Variants in MRI1 observed in about 807,000 individuals in gnomAD.
The protein encoded by MRI1 is methylthioribose-1-phosphate isomerase 1.
In MRI1, 32 loss-of-function variants were observed where a neutral mutation model predicts 27.3. That is an observed-to-expected ratio of 1.17 (90% CI 0.88 to 1.57). The LOEUF (loss-of-function observed/expected upper bound fraction) is 1.57, where lower values mean the gene tolerates loss of function less well. Among genes scored for constraint, MRI1 ranks in the 40% most tolerant of loss-of-function variants. The pLI is 0.00. For synonymous variants in MRI1, 216 were observed against 227.4 expected (o/e 0.95, Z 0.45); for missense variants, 508 against 516.1 (o/e 0.98, Z 0.15).
At chr19:13,770,307 A>G (rs780641346) in intron 5 of MRI1, among the ~76,000 whole-genome samples, 28 of 152,198 alleles carry the variant, frequency 1.8e-4, no homozygotes, top group Non-Finnish European at 3.8e-4. Flanking sequence ...TCATGCACTC[A>G]GATGCCGTGG....
chr19:13,771,955 A>G (rs1017685523), intron 5 of MRI1, among the ~76,000 whole-genome samples, 166 bp from the exon 6 acceptor site: 2 of 152,200 alleles, frequency 1.3e-5, no homozygotes, highest in African/African-American at 4.8e-5. Flanking sequence ...TAAACTTACT[A>G]TTGAGTACAA....
chr19:13,765,227 C>A (rs1439981409), intron 2 of MRI1, 118 bp downstream of exon 2: 1 of 840,554 alleles, frequency 1.2e-6, no homozygotes, highest in Non-Finnish European at 1.7e-6. Flanking sequence ...AGTCCCTTGT[C>A]CAGGGCCCCA....
In MRI1 at chr19:13,773,666, G is replaced by GT. The variant is rs1974319708; in HGVS notation, c.*1386dup. 1 of 123,050 alleles carries GT rather than the reference G, an allele frequency of 8.1e-6. No homozygotes were observed. Among genetic ancestry groups the GT allele is most frequent in the African/African-American group, 3.7e-5 (1 of 27,386 alleles). The allele number at this position is 123,050 out of a possible 1,614,324, so 7.6% of individuals were successfully genotyped here. The stretch of plus-strand genomic sequence containing the variant: ...AAAAAATCCATGATGAACAAAACAA[G>GT]TATTTGTTTGAGACGGGGTCTCGCT... On this transcript the variant is annotated 3_prime_UTR_variant, in exon 6 of 6. Coordinates refer to ENST00000040663, the MANE Select transcript of MRI1 (RefSeq NM_001031727.4).
At chr19:13,765,536 G>A (rs940735864) in intron 2 of MRI1, among the ~76,000 whole-genome samples, 2 of 152,042 alleles carry the variant, frequency 1.3e-5, no homozygotes, top group South Asian at 4.1e-4. Flanking sequence ...CACCAAGCTC[G>A]AGCCTGCCTT....
In MRI1 at chr19:13,768,421, G is replaced by A. The variant is rs148498603; in HGVS notation, c.548-140G>A. 48 of 1,552,698 alleles carry A rather than the reference G, an allele frequency of 3.1e-5. No individual in the cohort carries two copies. The African/African-American group carries it at 4.2e-4, about 14-fold the overall frequency. On this transcript the variant is annotated intron_variant, in intron 3 of 5. Transcript: ENST00000040663. ...ACCAGGCAGAGGGAACTGCCACTGC[G>A]AGGGCCCCTGGGCGGGACTGTGCTC...
At chr19:13,771,490 C>T (rs1974267758) in intron 5 of MRI1, among the ~76,000 whole-genome samples, 1 of 152,080 alleles carries the variant, frequency 6.6e-6, no homozygotes, top group East Asian at 1.9e-4. Context: ...AAGATCGCAC[C>T]ACTGTACTAC....
rs1226543048 is a variant in MRI1, at chr19:13,765,741, AC to A, written c.372-212del. ...AGGAGCAGAGATTTTTGTCTTGTTT[AC>A]TGCTGGGTCATACCGGAACTGCTTG... On this transcript the variant is annotated intron_variant, in intron 2 of 5. Coordinates refer to ENST00000040663, the MANE Select transcript of MRI1 (RefSeq NM_001031727.4). 5.9e-5 allele frequency among the ~76,000 whole-genome samples: 9 copies of A among 152,130 alleles called. No individual in the cohort carries two copies. The East Asian group carries it at 1.7e-3, about 29-fold the overall frequency.
Position 13,768,586 on chromosome 19 carries a change from G to T in MRI1, c.573G>T (p.Leu191=). The T allele has an allele frequency of 6.2e-7, 1 of 1,609,940 alleles. No individual in the cohort carries two copies. The highest frequency in any genetic ancestry group is 1.1e-5 in the South Asian group (1 of 90,508). ...GTGTGATTCGCTCACTGCACAGCCT[G>T]GGCCGCCTGGAGCATGCCTTCTGCA... ...ALGVIRSLHS[L]GRLEHAFCTE... Residue 191 remains leucine, a synonymous_variant, in exon 4 of 6, where the codon CTG becomes CTT. Coordinates refer to ENST00000040663, the MANE Select transcript of MRI1 (RefSeq NM_001031727.4).
chr19:13,771,920 G>A (rs1974275905), intron 5 of MRI1, among the ~76,000 whole-genome samples: 1 of 152,180 alleles, frequency 6.6e-6, no homozygotes, highest in South Asian at 2.1e-4. Context: ...CTTGGGGACT[G>A]ACATTCTAGG....
rs148223834 is a variant in MRI1 at position 13,770,406 on chromosome 19, G to A, written c.949+1358G>A. On this transcript the variant is annotated intron_variant, in intron 5 of 5. Transcript: ENST00000040663. ...TCCAGACCAGCCTAGCCAACAGAGC[G>A]AAACCACGTCTCTACTAAAAAAATA... Among the ~76,000 whole-genome samples, 426 of 152,168 alleles carry A rather than the reference G, an allele frequency of 2.8e-3. 2 individuals are homozygous for A. Among genetic ancestry groups the A allele is most frequent in the African/African-American group, 9.7e-3 (402 of 41,502 alleles).
At chr19:13,770,757 C>T (rs1974252544) in intron 5 of MRI1, among the ~76,000 whole-genome samples, 1 of 152,004 alleles carries the variant, frequency 6.6e-6, no homozygotes, top group Admixed American at 6.6e-5. Context: ...GTGGCACATG[C>T]CTGTAACCCC....
In MRI1 at chr19:13,765,106, A is replaced by G; in HGVS notation, c.368A>G (p.Glu123Gly). 1 of 1,531,240 alleles carries G rather than the reference A, an allele frequency of 6.5e-7. No homozygotes were observed. Among genetic ancestry groups the G allele is most frequent in the Non-Finnish European group, 8.7e-7 (1 of 1,143,892 alleles). 94.9% of individuals were successfully genotyped at this position (1,531,240 alleles called of 1,614,324 possible). Residue 123 changes from glutamate (E) to glycine (G), a missense_variant, in exon 2 of 6, where the codon GAG becomes GGG. By Grantham distance (98) the Glu-to-Gly change is moderately conservative. Around this residue, in one of 3 missense-constraint regions of MRI1, gnomAD observed 457 missense variants for 452.8 expected, o/e 1.01. Coordinates refer to ENST00000040663, the MANE Select transcript of MRI1 (RefSeq NM_001031727.4). ...GGCGCTACGGAAGAGGCGGTCCGGGAGAGGTACGGGGATCTGGTACCAGGC... is the reference window on the plus strand; with the variant it reads ...GGCGCTACGGAAGAGGCGGTCCGGGGGAGGTACGGGGATCTGGTACCAGGC... ...REGATEEAVR[E>G]RVICCTEDML...
intron 2 of MRI1, 42 bp from the exon 3 acceptor site, chr19:13,765,912 C>T (rs373939622): frequency 2.1e-5 from 33 of 1,549,402 alleles, no homozygotes; most frequent in East Asian, 1.6e-4. Context: ...GCCTGGGCCC[C>T]GGGTCCTGGT....
chr19:13,770,756 G>T (rs1485142798), intron 5 of MRI1, among the ~76,000 whole-genome samples: 2 of 152,096 alleles, frequency 1.3e-5, no homozygotes, highest in African/African-American at 4.8e-5. Context: ...GGTGGCACAT[G>T]CCTGTAACCC....
chr19:13,774,150 CCTT>C lies in MRI1; in HGVS notation c.*1873_*1875del. Reference sequence around the variant, plus strand: ...GTTTACTATTACCAAAGTTTTTGAACCTTCTTAAATTCTGTACCAGAGGTGAGT... The same window carrying C: ...GTTTACTATTACCAAAGTTTTTGAACCTTAAATTCTGTACCAGAGGTGAGT... On this transcript the variant is annotated 3_prime_UTR_variant, in exon 6 of 6. Coordinates refer to ENST00000040663, the MANE Select transcript of MRI1 (RefSeq NM_001031727.4). 1 of 248,804 alleles carries C rather than the reference CCTT, an allele frequency of 4.0e-6. No homozygotes were observed. Among genetic ancestry groups the C allele is most frequent in the African/African-American group, 2.2e-5 (1 of 44,942 alleles). 15.4% of individuals were successfully genotyped at this position (248,804 alleles called of 1,614,324 possible).
chr19:13,765,149 T>C, intron 2 of MRI1, 40 bp downstream of exon 2: 1 of 1,435,410 alleles, frequency 7.0e-7, no homozygotes. Flanking sequence ...TGAGCAGGAA[T>C]TATATTGACT....
intron 2 of MRI1, 22 bp from the exon 3 acceptor site, chr19:13,765,932 T>G (rs754724091): frequency 2.0e-5 from 31 of 1,565,414 alleles, no homozygotes; most frequent in Admixed American, 3.7e-5. Flanking sequence ...TGGCTGGTGC[T>G]GAAAACTCCT....
rs577819040 is a variant in MRI1, at chr19:13,772,212, G to T, written c.1041G>T (p.Glu347Asp). Reference protein sequence around the residue: ...IITELGVFAPEELRTALTTTI... With the variant: ...IITELGVFAPDELRTALTTTI... ...CAGAACTGGGGGTCTTTGCCCCTGA[G>T]GAGCTCCGGACAGCCCTAACCACCA... Residue 347 changes from glutamate (E) to aspartate (D), a missense_variant, in exon 6 of 6, where the codon GAG becomes GAT. Physicochemically the swap from Glu to Asp is conservative, Grantham distance 45. Transcript: ENST00000040663. 287 of 1,614,038 alleles carry T rather than the reference G, an allele frequency of 1.8e-4. 5 individuals are homozygous for T. In the South Asian group the frequency reaches 3.1e-3, roughly 17 times the overall value.
At position 13,769,003 on chromosome 19, in the gene MRI1, G is replaced by A. The variant is rs758343905; in HGVS notation, c.904G>A (p.Gly302Ser). ...GKEIIIEERP[G>S]QELTDVNGVR... ...GGAGATCATTATTGAAGAGCGACCG[G>A]GCCAGGAGCTGACCGATGTTAATGG... The change falls in exon 5 of 6, where the codon GGC (glycine) becomes AGC (serine). Residue 302 changes from glycine (G) to serine (S), a missense_variant. Coordinates refer to ENST00000040663, the MANE Select transcript of MRI1 (RefSeq NM_001031727.4). 1.2e-6 allele frequency: 2 copies of A among 1,613,774 alleles called. No individual in the cohort carries two copies. Among genetic ancestry groups the A allele is most frequent in the Non-Finnish European group, 1.7e-6 (2 of 1,179,904 alleles).
Sources: allele counts gnomAD v4.1 joint callset (sites outside exome capture counted in the v4.1 genomes callset), GRCh38; gene constraint gnomAD v4.1.1; regional missense constraint gnomAD v4.1.1; transcripts MANE v1.5; gene names NCBI Gene and HGNC (gene_info 2026-07-23, HGNC 2026-07-21).